NBAS: variants seen among roughly 807,000 people sequenced by gnomAD.
The protein encoded by NBAS is NBAS subunit of NRZ tethering complex.
Under a neutral mutation model 302.5 loss-of-function variants are expected in NBAS, and 219 were observed. The observed-to-expected ratio is 0.72, with a 90% CI of 0.65 to 0.81. NBAS has a LOEUF of 0.81. Among genes scored for constraint, NBAS ranks in the 30% least tolerant of loss-of-function variants. The pLI, the probability that NBAS is intolerant of heterozygous loss-of-function variation, is 0.00. For synonymous variants in NBAS, 1,118 were observed against 1,021.6 expected (o/e 1.09, Z -1.80); for missense variants, 2,932 against 2,841.6 (o/e 1.03, Z -0.72).
At chr2:15,039,953 A>T in the NBAS span, among the ~76,000 whole-genome samples, 1 of 152,234 alleles carries the variant, frequency 6.6e-6, no homozygotes, top group Non-Finnish European at 1.5e-5. Context: ...TAGGTCAGGC[A>T]GGTGGTGATG....
At chr2:15,238,435 AG>A in intron 45 of NBAS, 32 bp downstream of exon 45, 1 of 1,585,644 alleles carries the variant, frequency 6.3e-7, no homozygotes, top group South Asian at 1.1e-5. Context: ...ATACTGATAC[AG>A]AGTGAGCATA....
the NBAS span, among the ~76,000 whole-genome samples, chr2:15,053,236 T>C: frequency 6.6e-6 from 1 of 152,222 alleles, no homozygotes; most frequent in Non-Finnish European, 1.5e-5. Flanking sequence ...ATTCCTCTTA[T>C]CTGGACAACA....
At chr2:14,962,739 G>T in the NBAS span, among the ~76,000 whole-genome samples, 1 of 152,148 alleles carries the variant, frequency 6.6e-6, no homozygotes, top group East Asian at 1.9e-4. Flanking sequence ...AGCCATTGAC[G>T]CTCCACCTCT....
At chr2:14,834,517 A>G in the NBAS span, among the ~76,000 whole-genome samples, 1 of 152,148 alleles carries the variant, frequency 6.6e-6, no homozygotes, top group Admixed American at 6.5e-5. Context: ...TACCTACTCT[A>G]TCATATTCCC....
At chr2:14,948,146 GT>G in the NBAS span, among the ~76,000 whole-genome samples, 1 of 152,016 alleles carries the variant, frequency 6.6e-6, no homozygotes, top group African/African-American at 2.4e-5. Flanking sequence ...TGAGTATCAG[GT>G]GTGATATTGA....
At chr2:15,228,335 A>G (rs1558455520) in intron 47 of NBAS, among the ~76,000 whole-genome samples, 1 of 152,212 alleles carries the variant, frequency 6.6e-6, no homozygotes, top group Non-Finnish European at 1.5e-5. Context: ...TAAGAAAAAA[A>G]ATAACTAATG....
the NBAS span, among the ~76,000 whole-genome samples, chr2:15,100,781 T>A: frequency 1.3e-5 from 2 of 152,214 alleles, no homozygotes; most frequent in African/African-American, 4.8e-5. Flanking sequence ...AGAGCATTTT[T>A]AAAAAACATT....
the NBAS span, among the ~76,000 whole-genome samples, chr2:14,927,699 A>T: frequency 2.0e-5 from 3 of 152,194 alleles, no homozygotes; most frequent in Non-Finnish European, 4.4e-5. Flanking sequence ...ATTTCACCAC[A>T]TCTTTGCCAA....
intron 13 of NBAS, 40 bp downstream of exon 13, chr2:15,478,186 G>A: frequency 7.9e-7 from 1 of 1,273,674 alleles, no homozygotes; most frequent in Non-Finnish European, 1.1e-6. Context: ...AATAATAGGA[G>A]TATATTAAGG....
At chr2:15,561,100 C>G in intron 1 of NBAS, 88 bp downstream of exon 1, 1 of 1,011,460 alleles carries the variant, frequency 9.9e-7, no homozygotes, top group East Asian at 3.0e-5. Context: ...CCACCCGTCT[C>G]CACTCCCCTA....
chr2:15,266,447 C>T (rs1669081053), intron 44 of NBAS, among the ~76,000 whole-genome samples: 1 of 152,112 alleles, frequency 6.6e-6, no homozygotes, highest in Non-Finnish European at 1.5e-5. Context: ...GTACCTTACC[C>T]TCTCTTCTCT....
chr2:15,144,110 A>G, the NBAS span, among the ~76,000 whole-genome samples: 1 of 141,192 alleles, frequency 7.1e-6, no homozygotes, highest in Non-Finnish European at 1.5e-5. Flanking sequence ...TGACTAATAC[A>G]CCTTGTCACA....
the NBAS span, among the ~76,000 whole-genome samples, chr2:15,033,649 A>T: frequency 6.6e-6 from 1 of 152,122 alleles, no homozygotes; most frequent in Non-Finnish European, 1.5e-5. Flanking sequence ...ATTCCTCATG[A>T]ATGAGATGAA....
intron 44 of NBAS, among the ~76,000 whole-genome samples, chr2:15,243,534 G>C (rs1667954976): frequency 6.6e-6 from 1 of 150,984 alleles, no homozygotes; most frequent in African/African-American, 2.4e-5. Flanking sequence ...CAGGTACCAA[G>C]AGGGAGGCAA....
At chr2:15,131,642 A>G in the NBAS span, among the ~76,000 whole-genome samples, 2 of 152,284 alleles carry the variant, frequency 1.3e-5, no homozygotes, top group Non-Finnish European at 2.9e-5. Flanking sequence ...CATGTGCACA[A>G]GGCTAACATC....
At chr2:14,948,980 CAT>C in the NBAS span, among the ~76,000 whole-genome samples, 1 of 152,120 alleles carries the variant, frequency 6.6e-6, no homozygotes, top group Non-Finnish European at 1.5e-5. Flanking sequence ...GCACCAGAAA[CAT>C]ACAATGGTAA....
chr2:14,896,400 TTC>T, the NBAS span, among the ~76,000 whole-genome samples: 1 of 152,214 alleles, frequency 6.6e-6, no homozygotes, highest in Non-Finnish European at 1.5e-5. Context: ...AGCGGTTTTA[TTC>T]TGTTTCTCAC....
the NBAS span, among the ~76,000 whole-genome samples, chr2:14,851,107 C>CA: frequency 2.4e-5 from 3 of 125,998 alleles, no homozygotes; most frequent in Admixed American, 7.3e-5. Context: ...AATAGAGACA[C>CA]AAAAAACCCT....
rs116524987 is a variant in NBAS, at chr2:15,363,603, A to T, written c.3817+2977T>A. Among the ~76,000 whole-genome samples, 390 of 152,308 alleles carry T rather than the reference A, an allele frequency of 2.6e-3. 1 individual carries two copies. The highest frequency in any genetic ancestry group is 9.1e-3 in the African/African-American group (379 of 41,572). ...CTCAGTAATTATTTAACTTTTCTCTATTCCTGTCTCCTCATTTTCAAAATG... is the reference window on the plus strand; with the variant it reads ...CTCAGTAATTATTTAACTTTTCTCTTTTCCTGTCTCCTCATTTTCAAAATG... On this transcript the variant is annotated intron_variant, in intron 32 of 51. Transcript: ENST00000281513.
Sources: gnomAD v4.1 joint callset for allele counts (sites outside exome capture counted in the v4.1 genomes callset) on GRCh38, gnomAD v4.1.1 for gene constraint, MANE v1.5 for transcripts, NCBI Gene and HGNC (gene_info 2026-07-23, HGNC 2026-07-21) for gene names.